Variants in FAM178B observed in about 807,000 individuals in gnomAD.
The protein encoded by FAM178B is family with sequence similarity 178 member B.
FAM178B carries 82 observed loss-of-function variants against 91.7 expected under a neutral mutation model. The observed-to-expected ratio is 0.89, with a 90% CI of 0.75 to 1.07. The LOEUF (loss-of-function observed/expected upper bound fraction) is 1.07. FAM178B is among the 50% of genes least tolerant of loss of function. The probability of loss-of-function intolerance (pLI) is 0.00; values close to 1 mark genes in which losing one functional copy is unlikely to be tolerated. For missense variants in FAM178B, 769 were observed against 846.7 expected, an observed-to-expected ratio of 0.91 and a Z score of 1.14; for synonymous variants, 368 against 359.4, an observed-to-expected ratio of 1.02 and a Z score of -0.27.
chr2:96,881,598 G>C lies in FAM178B; in HGVS notation c.1777-3105C>G, dbSNP rs547074927. ...AACTTCCCCTCCTAGAAGGAGTCGT[G>C]GGGAGGGTCTGAGATCTGAGGAATG... On this transcript the variant is annotated intron_variant, in intron 14 of 16. Coordinates refer to ENST00000490605, the MANE Select transcript of FAM178B (RefSeq NM_001122646.3). Among the ~76,000 whole-genome samples, 144 of 152,220 alleles carry C rather than the reference G, an allele frequency of 9.5e-4. No individual in the cohort carries two copies. The Middle Eastern group carries it at 0.01, about 11-fold the overall frequency.
In FAM178B at chr2:96,972,038, G is replaced by A. The variant is rs2082226912; in HGVS notation, c.427C>T (p.Leu143=). The A allele has an allele frequency of 6.4e-7, 1 of 1,550,772 alleles. No individual in the cohort carries two copies. Among genetic ancestry groups the A allele is most frequent in the Non-Finnish European group, 8.7e-7 (1 of 1,147,028 alleles). Residue 143 remains leucine, a synonymous_variant, in exon 3 of 17, where the codon CTG becomes TTG. Transcript: ENST00000490605. ...GGCAGCTCACCAGCCAGTCTCCTCA[G>A]GCCCTGGGGGCCCACCACACCCACC... The part of the protein sequence containing the change: ...RWVGVVGPQG[L]RRLAGELPEE...
intron 7 of FAM178B, among the ~76,000 whole-genome samples, chr2:96,948,325 CCT>C (rs1321052846): frequency 4.3e-4 from 66 of 152,320 alleles, no homozygotes; most frequent in African/African-American, 1.6e-3. Context: ...CAGGGTGGGC[CCT>C]CTCTGTGATC....
At position 96,978,660 on chromosome 2, in the gene FAM178B, T is replaced by G. The variant is rs1453665135; in HGVS notation, c.74-6054A>C. ...TTTTTTTTTGAGACGGAGTCTCACT[T>G]TGTCACCAGGCTGGAGTGCAGCGGC... On this transcript the variant is annotated intron_variant, in intron 1 of 16. Transcript: ENST00000490605. Among the ~76,000 whole-genome samples, 4 of 151,910 alleles carry G rather than the reference T, an allele frequency of 2.6e-5. No homozygotes were observed. In the East Asian group the frequency reaches 7.7e-4, roughly 29 times the overall value.
chr2:96,931,153 T>C (rs2081532871), intron 8 of FAM178B, among the ~76,000 whole-genome samples: 1 of 152,142 alleles, frequency 6.6e-6, no homozygotes, highest in South Asian at 2.1e-4. Context: ...GGGCATCAGA[T>C]TCAAGAACCT....
At chr2:96,927,599 A>C (rs574507447) in intron 9 of FAM178B, among the ~76,000 whole-genome samples, 1 of 152,198 alleles carries the variant, frequency 6.6e-6, no homozygotes, top group Non-Finnish European at 1.5e-5. Flanking sequence ...TGTGTCCCAA[A>C]GTACTTGAGA....
intron 8 of FAM178B, among the ~76,000 whole-genome samples, chr2:96,936,470 G>GA (rs1386708210): frequency 6.7e-6 from 1 of 149,470 alleles, no homozygotes; most frequent in Non-Finnish European, 1.5e-5. Flanking sequence ...CAAAGTGCTG[G>GA]ATTACAGGCG....
At chr2:96,901,753 A>C (rs962267263) in intron 13 of FAM178B, among the ~76,000 whole-genome samples, 31 of 152,250 alleles carry the variant, frequency 2.0e-4, no homozygotes, top group African/African-American at 7.2e-4. Flanking sequence ...CTGTGAATGA[A>C]CTTAAGGTCC....
intron 4 of FAM178B, among the ~76,000 whole-genome samples, chr2:96,969,590 G>A (rs531673750): frequency 7.2e-5 from 11 of 152,204 alleles, no homozygotes; most frequent in Non-Finnish European, 1.3e-4. Context: ...AAGCAGTCAC[G>A]AGGAGGCCCC....
At chr2:96,969,677 T>C (rs1037362310) in intron 4 of FAM178B, among the ~76,000 whole-genome samples, 4 of 152,200 alleles carry the variant, frequency 2.6e-5, no homozygotes, top group African/African-American at 7.2e-5. Context: ...TGGAAATATA[T>C]AGGCATGGTC....
intron 12 of FAM178B, among the ~76,000 whole-genome samples, chr2:96,906,829 CA>C (rs1294804105): frequency 1.3e-5 from 2 of 152,202 alleles, no homozygotes; most frequent in Non-Finnish European, 2.9e-5. Flanking sequence ...AGTGGGAGGT[CA>C]ATGGCCCCTC....
At chr2:96,918,822 C>A (rs1332986039) in intron 12 of FAM178B, among the ~76,000 whole-genome samples, 1 of 152,118 alleles carries the variant, frequency 6.6e-6, no homozygotes, top group Non-Finnish European at 1.5e-5. Flanking sequence ...CAGACTGACC[C>A]CTGACTTAAC....
Position 96,950,043 on chromosome 2 carries a change from C to T in FAM178B, c.993+1336G>A, listed in dbSNP as rs985667942. 36 of 985,630 alleles carry T rather than the reference C, an allele frequency of 3.7e-5. No homozygotes were observed. In the East Asian group the frequency reaches 4.5e-4, roughly 12 times the overall value. The allele number at this position is 985,630 out of a possible 1,614,324, so 61.1% of individuals were successfully genotyped here. A position where few individuals can be genotyped will look rare whatever the true frequency, so the allele number is the denominator to read the frequency against. ...CAGCCCCCTCGCAGCATGATGGAGACGGGGAAAGAGGCAGGGGAAGGCTCG... is the reference window on the plus strand; with the variant it reads ...CAGCCCCCTCGCAGCATGATGGAGATGGGGAAAGAGGCAGGGGAAGGCTCG... On this transcript the variant is annotated intron_variant, in intron 7 of 16. Coordinates refer to ENST00000490605, the MANE Select transcript of FAM178B (RefSeq NM_001122646.3).
chr2:96,907,606 A>G (rs1013834352), intron 12 of FAM178B, among the ~76,000 whole-genome samples: 1 of 152,232 alleles, frequency 6.6e-6, no homozygotes, highest in Non-Finnish European at 1.5e-5. Context: ...GGGCCTCCAC[A>G]AGACCAGGAC....
At chr2:96,933,527 T>C (rs2081576775) in intron 8 of FAM178B, among the ~76,000 whole-genome samples, 1 of 152,196 alleles carries the variant, frequency 6.6e-6, no homozygotes, top group Non-Finnish European at 1.5e-5. Context: ...CAAGAACCTC[T>C]TCGGTCACTG....
At chr2:96,927,331 G>C (rs1226288798) in intron 9 of FAM178B, among the ~76,000 whole-genome samples, 2 of 152,158 alleles carry the variant, frequency 1.3e-5, no homozygotes, top group African/African-American at 2.4e-5. Context: ...CCTGCTCCCA[G>C]AGCCAGGAGC....
At chr2:96,983,704 G>A (rs932654899) in intron 1 of FAM178B, among the ~76,000 whole-genome samples, 8 of 152,140 alleles carry the variant, frequency 5.3e-5, no homozygotes, top group African/African-American at 1.2e-4. Context: ...GATTACAGGC[G>A]TGAGCCACTG....
chr2:96,962,253 G>A (rs2082090488), intron 5 of FAM178B, among the ~76,000 whole-genome samples: 1 of 152,062 alleles, frequency 6.6e-6, no homozygotes, highest in Non-Finnish European at 1.5e-5. Context: ...GGTAAGCCGA[G>A]ATTGCACCGC....
chr2:96,986,544 C>A lies in FAM178B; in HGVS notation c.-231G>T. On this transcript the variant is annotated 5_prime_UTR_variant, in exon 1 of 17. Coordinates refer to ENST00000490605, the MANE Select transcript of FAM178B (RefSeq NM_001122646.3). ...AAACCAAGCGGCCAGCTCACAGCCG[C>A]CGCCGCCGCCAGCTGGGGAGCTCGC... The A allele has an allele frequency of 1.9e-6, 1 of 529,998 alleles. No individual in the cohort carries two copies. The highest frequency in any genetic ancestry group is 3.3e-6 in the Non-Finnish European group (1 of 302,532). 32.8% of individuals were successfully genotyped at this position (529,998 alleles called of 1,614,324 possible).
At chr2:96,963,681 A>T (rs2082110831) in intron 5 of FAM178B, among the ~76,000 whole-genome samples, 1 of 152,244 alleles carries the variant, frequency 6.6e-6, no homozygotes, top group Non-Finnish European at 1.5e-5. Context: ...TACAGCCTGC[A>T]GGCCGAGTCC....
Sources: gnomAD v4.1 joint callset for allele counts (sites outside exome capture counted in the v4.1 genomes callset) on GRCh38, gnomAD v4.1.1 for gene constraint, MANE v1.5 for transcripts, NCBI Gene and HGNC (gene_info 2026-07-23, HGNC 2026-07-21) for gene names.